PKHD1: variants seen among roughly 807,000 people sequenced by gnomAD.
PKHD1 encodes fibrocystin.
In PKHD1, 291 loss-of-function variants were observed where a neutral mutation model predicts 412.0. That is an observed-to-expected ratio of 0.71 (90% CI 0.64 to 0.78). PKHD1 has a LOEUF of 0.78. Among genes scored for constraint, PKHD1 ranks in the 30% least tolerant of loss-of-function variants. The pLI is 0.00. For missense variants in PKHD1, 4,825 were observed against 4,950.7 expected (o/e 0.97, Z 0.76); for synonymous variants, 1,777 against 1,821.5 (o/e 0.98, Z 0.62).
intron 25 of PKHD1, among the ~76,000 whole-genome samples, chr6:52,044,113 G>A (rs867479910): frequency 7.9e-4 from 120 of 152,174 alleles, no homozygotes; most frequent in African/African-American, 2.1e-3. Flanking sequence ...CAACAAATTT[G>A]GTGCATTCCT....
At chr6:51,711,647 T>G (rs1780674009) in intron 60 of PKHD1, among the ~76,000 whole-genome samples, 1 of 152,136 alleles carries the variant, frequency 6.6e-6, no homozygotes, top group African/African-American at 2.4e-5. Flanking sequence ...ACATAAGGAT[T>G]TATAATGAAA....
intron 60 of PKHD1, among the ~76,000 whole-genome samples, chr6:51,716,414 T>G (rs1204531179): frequency 2.0e-5 from 3 of 152,128 alleles, no homozygotes; most frequent in South Asian, 2.1e-4. Context: ...AATACACAAA[T>G]GTAATACAAT....
At chr6:52,002,540 C>T (rs368170952) in intron 35 of PKHD1, among the ~76,000 whole-genome samples, 4 of 152,184 alleles carry the variant, frequency 2.6e-5, no homozygotes, top group Non-Finnish European at 4.4e-5. Flanking sequence ...ACAGCCAGGT[C>T]AGGGGTCAAT....
intron 36 of PKHD1, among the ~76,000 whole-genome samples, chr6:51,950,220 A>AAAAAAAAATATATATATAT: frequency 7.2e-4 from 71 of 98,284 alleles, no homozygotes; most frequent in East Asian, 3.8e-3. Flanking sequence ...GAAAAAAAAA[A>AAAAAAAAATATATATATAT]ATATATATAT....
At chr6:51,816,510 G>T (rs1453682811) in intron 52 of PKHD1, among the ~76,000 whole-genome samples, 1 of 152,228 alleles carries the variant, frequency 6.6e-6, no homozygotes, top group Non-Finnish European at 1.5e-5. Context: ...GAAGACACCT[G>T]TTAAATGAAG....
chr6:51,897,406 C>A (rs1263447085), intron 43 of PKHD1, among the ~76,000 whole-genome samples: 2 of 152,092 alleles, frequency 1.3e-5, no homozygotes, highest in African/African-American at 4.8e-5. Flanking sequence ...TCATATCCAG[C>A]CAAACGAAGC....
intron 60 of PKHD1, chr6:51,721,363 C>G (rs1480002428): frequency 6.5e-6 from 3 of 462,726 alleles, no homozygotes; most frequent in African/African-American, 2.2e-5. Flanking sequence ...GATAATATAC[C>G]TATATTATTA....
intron 36 of PKHD1, among the ~76,000 whole-genome samples, chr6:51,936,484 G>A (rs1175269137): frequency 6.6e-6 from 1 of 152,146 alleles, no homozygotes; most frequent in Non-Finnish European, 1.5e-5. Flanking sequence ...TTGAGTTTTT[G>A]TTGCTTTCCA....
chr6:51,978,165 G>A (rs1199068123), intron 35 of PKHD1, among the ~76,000 whole-genome samples: 2 of 152,182 alleles, frequency 1.3e-5, no homozygotes, highest in African/African-American at 2.4e-5. Context: ...GAAGGAAGGA[G>A]ATGGAGAGAA....
chr6:51,893,698 G>T (rs1348612147), intron 43 of PKHD1, among the ~76,000 whole-genome samples: 1 of 152,182 alleles, frequency 6.6e-6, no homozygotes, highest in Non-Finnish European at 1.5e-5. Context: ...ATTCCAGAGA[G>T]AAATTAACTG....
chr6:51,727,951 C>A (rs553952582), intron 60 of PKHD1, among the ~76,000 whole-genome samples: 4 of 152,154 alleles, frequency 2.6e-5, no homozygotes, highest in African/African-American at 9.7e-5. Context: ...GTCTAACAAC[C>A]TATAACACAT....
chr6:51,807,437 CAAA>C (rs1174429085), intron 52 of PKHD1, among the ~76,000 whole-genome samples: 69 of 39,094 alleles, frequency 1.8e-3, no homozygotes, highest in African/African-American at 4.7e-3. Flanking sequence ...GACTCTGTCT[CAAA>C]AAAAAAAAAA....
intron 55 of PKHD1, among the ~76,000 whole-genome samples, chr6:51,771,015 C>T (rs1790005690): frequency 6.6e-6 from 1 of 152,012 alleles, no homozygotes; most frequent in Non-Finnish European, 1.5e-5. Flanking sequence ...GAAATTCTGC[C>T]TTAAGACGGC....
chr6:51,839,449 G>A (rs191830608), intron 50 of PKHD1, among the ~76,000 whole-genome samples: 133 of 152,208 alleles, frequency 8.7e-4, no homozygotes, highest in Non-Finnish European at 1.4e-3. Flanking sequence ...TTTTTCTGAC[G>A]AGTGCTATGT....
At chr6:52,086,841 T>TA (rs1163512427) in intron 1 of PKHD1, among the ~76,000 whole-genome samples, 8 of 152,192 alleles carry the variant, frequency 5.3e-5, no homozygotes, top group Non-Finnish European at 1.2e-4. Context: ...ATATACAACT[T>TA]TCAGAATACA....
At chr6:51,907,552 G>A (rs1288523493) in intron 40 of PKHD1, among the ~76,000 whole-genome samples, 6 of 152,072 alleles carry the variant, frequency 3.9e-5, no homozygotes, top group Non-Finnish European at 5.9e-5. Context: ...TCTTATGGGC[G>A]GAATACTGGG....
In PKHD1 at chr6:51,721,987, T is replaced by C. The variant is rs1554206689; in HGVS notation, c.10156+22398A>G. The C allele has an allele frequency of 1.2e-6, 2 of 1,613,610 alleles. No homozygotes were observed. The highest frequency in any genetic ancestry group is 2.2e-5 in the East Asian group (1 of 44,866). On this transcript the variant is annotated intron_variant, in intron 60 of 66. Transcript: ENST00000371117. Reference sequence around the variant, plus strand: ...TTCAGCTTCCTGCAGGCTCCTCCTCTATTCTGAAATCTTCAAAGCCTGCTC... The same window carrying C: ...TTCAGCTTCCTGCAGGCTCCTCCTCCATTCTGAAATCTTCAAAGCCTGCTC...
intron 37 of PKHD1, among the ~76,000 whole-genome samples, chr6:51,931,905 A>T (rs1378114645): frequency 6.8e-6 from 1 of 147,788 alleles, no homozygotes; most frequent in Non-Finnish European, 1.5e-5. Flanking sequence ...GAGAGAGAGG[A>T]GGGAGAAGGA....
At chr6:52,056,823 T>C in intron 17 of PKHD1, 35 bp from the exon 18 acceptor site, 1 of 1,591,780 alleles carries the variant, frequency 6.3e-7, no homozygotes, top group Middle Eastern at 1.7e-4. Context: ...GGAATTTATA[T>C]CATGAGCATA....
Sources: allele counts gnomAD v4.1 joint callset (sites outside exome capture counted in the v4.1 genomes callset), GRCh38; gene constraint gnomAD v4.1.1; transcripts MANE v1.5; gene names NCBI Gene and HGNC (gene_info 2026-07-23, HGNC 2026-07-21).